Variants in FNDC3A observed in about 807,000 individuals in gnomAD.
The protein encoded by FNDC3A is fibronectin type III domain containing 3A.
Under a neutral mutation model 148.9 loss-of-function variants are expected in FNDC3A, and 32 were observed. That is an observed-to-expected ratio of 0.21 (90% CI 0.16 to 0.29). The LOEUF is 0.29. Ranked by LOEUF, FNDC3A falls within the 10% of genes least tolerant of loss-of-function variation. FNDC3A has a pLI of 1.00. For missense variants in FNDC3A, 1,191 were observed against 1,452.8 expected (o/e 0.82, Z 2.93); for synonymous variants, 472 against 473.6 (o/e 1.00, Z 0.04).
chr13:49,179,136 C>T (rs915809342), intron 14 of FNDC3A, among the ~76,000 whole-genome samples: 1 of 152,098 alleles, frequency 6.6e-6, no homozygotes, highest in East Asian at 1.9e-4. Context: ...TGTTATATAG[C>T]GGTGCTTCTC....
chr13:49,203,129 A>G, intron 24 of FNDC3A, 28 bp from the exon 25 acceptor site: 1 of 1,486,500 alleles, frequency 6.7e-7, no homozygotes. Context: ...CAAGTGGAAC[A>G]GATATTATTT....
At chr13:49,077,368 T>G (rs1878186396) in intron 3 of FNDC3A, among the ~76,000 whole-genome samples, 1 of 152,204 alleles carries the variant, frequency 6.6e-6, no homozygotes, top group Admixed American at 6.5e-5. Context: ...CTCTAACACT[T>G]ACTTCAAGAC....
intron 4 of FNDC3A, among the ~76,000 whole-genome samples, chr13:49,122,532 CAAATAGGAAGAGAGG>C (rs1190002155): frequency 1.3e-5 from 2 of 152,062 alleles, no homozygotes; most frequent in African/African-American, 4.8e-5. Context: ...AAAGAGTTTT[CAAATAGGAAGAGAGG>C]AAGTCAAATT....
At chr13:49,018,266 C>T (rs1399721119) in intron 2 of FNDC3A, among the ~76,000 whole-genome samples, 1 of 152,208 alleles carries the variant, frequency 6.6e-6, no homozygotes, top group Non-Finnish European at 1.5e-5. Flanking sequence ...GGTCTTTTCA[C>T]ATAGTCGCAT....
Position 49,203,214 on chromosome 13 carries a change from A to G in FNDC3A, c.3212A>G (p.Gln1071Arg), listed in dbSNP as rs545032412. ...TGTGAAATTACATGGGAGTGTTTAC[A>G]GCCAATGAAAGGTGATCCAGTTATT... The part of the protein sequence containing the change: ...HICEITWECL[Q>R]PMKGDPVIYS... Residue 1071 changes from glutamine to arginine, a missense_variant, in exon 25 of 26, where the codon CAG (glutamine) becomes CGG (arginine). By Grantham distance (43) the Gln-to-Arg change is conservative. Around this residue, in one of 3 missense-constraint regions of FNDC3A, gnomAD observed 751 missense variants for 944.0 expected, o/e 0.80. Coordinates refer to ENST00000492622, the MANE Select transcript of FNDC3A (RefSeq NM_001079673.2). 1.2e-6 allele frequency: 2 copies of G among 1,603,398 alleles called. No individual in the cohort carries two copies. The highest frequency in any genetic ancestry group is 2.2e-5 in the South Asian group (2 of 90,584).
chr13:49,082,103 G>A (rs1327104520), intron 3 of FNDC3A, among the ~76,000 whole-genome samples: 1 of 152,052 alleles, frequency 6.6e-6, no homozygotes, highest in East Asian at 1.9e-4. Context: ...CAGTAGGATA[G>A]GCCCAGCACG....
At chr13:49,069,825 A>C (rs577709184) in intron 2 of FNDC3A, among the ~76,000 whole-genome samples, 48 of 152,226 alleles carry the variant, frequency 3.2e-4, no homozygotes, top group Admixed American at 2.0e-4. Flanking sequence ...TATTAAAATG[A>C]AGCATATTTC....
At chr13:49,026,444 A>G (rs1292536884) in intron 2 of FNDC3A, among the ~76,000 whole-genome samples, 1 of 152,258 alleles carries the variant, frequency 6.6e-6, no homozygotes, top group Non-Finnish European at 1.5e-5. Flanking sequence ...AAAATATTAA[A>G]GACATGCCAT....
At chr13:49,168,564 C>G (rs1884597997) in intron 9 of FNDC3A, 49 bp from the exon 10 acceptor site, 1 of 1,451,678 alleles carries the variant, frequency 6.9e-7, no homozygotes, top group African/African-American at 1.4e-5. Context: ...CTATTGAAAA[C>G]AGGATACAGT....
chr13:49,171,581 C>T (rs1402854201), intron 10 of FNDC3A, among the ~76,000 whole-genome samples: 2 of 152,122 alleles, frequency 1.3e-5, no homozygotes, highest in Non-Finnish European at 2.9e-5. Flanking sequence ...GTAACCAGCA[C>T]AGTGAGTATA....
chr13:49,058,927 A>G (rs1463916218), intron 2 of FNDC3A, among the ~76,000 whole-genome samples: 1 of 152,222 alleles, frequency 6.6e-6, no homozygotes, highest in Non-Finnish European at 1.5e-5. Flanking sequence ...TGTCAGAGCC[A>G]TCTTTCAAAA....
At chr13:49,067,836 C>T (rs1877367965) in intron 2 of FNDC3A, among the ~76,000 whole-genome samples, 1 of 152,146 alleles carries the variant, frequency 6.6e-6, no homozygotes, top group Non-Finnish European at 1.5e-5. Context: ...AGGTTAAGAA[C>T]TCTTGTGCTT....
At chr13:49,169,712 C>T (rs1243713309) in intron 10 of FNDC3A, among the ~76,000 whole-genome samples, 1 of 152,176 alleles carries the variant, frequency 6.6e-6, no homozygotes, top group Admixed American at 6.5e-5. Flanking sequence ...TCAGGGCTAG[C>T]CTTACTTTTG....
chr13:48,997,363 GA>G (rs1952042279), intron 1 of FNDC3A, among the ~76,000 whole-genome samples: 1 of 152,154 alleles, frequency 6.6e-6, no homozygotes, highest in South Asian at 2.1e-4. Context: ...CATGTATAAG[GA>G]AACAAGAACA....
chr13:49,006,942 A>G (rs979973328), intron 2 of FNDC3A, among the ~76,000 whole-genome samples: 12 of 152,106 alleles, frequency 7.9e-5, no homozygotes, highest in Admixed American at 3.3e-4. Context: ...TTAATGAGGA[A>G]GGGAAGGAAC....
intron 2 of FNDC3A, chr13:49,045,721 CA>C: frequency 9.4e-6 from 10 of 1,067,446 alleles, no homozygotes; most frequent in Admixed American, 5.2e-5. Flanking sequence ...TCTTGATTTT[CA>C]AAAACCCTGT....
At chr13:49,069,397 A>G (rs1035744900) in intron 2 of FNDC3A, among the ~76,000 whole-genome samples, 7 of 152,216 alleles carry the variant, frequency 4.6e-5, no homozygotes, top group African/African-American at 7.2e-5. Flanking sequence ...ACTGCTTACT[A>G]TATTTCTCAC....
At chr13:49,188,837 CTGGT>C (rs1265759697) in intron 17 of FNDC3A, among the ~76,000 whole-genome samples, 1 of 152,158 alleles carries the variant, frequency 6.6e-6, no homozygotes, top group Non-Finnish European at 1.5e-5. Flanking sequence ...TGTCTGTTGT[CTGGT>C]TGGTATTCAG....
intron 10 of FNDC3A, among the ~76,000 whole-genome samples, chr13:49,170,894 A>T (rs999178162): frequency 7.9e-5 from 12 of 152,242 alleles, no homozygotes; most frequent in African/African-American, 2.9e-4. Flanking sequence ...AGTGTGAGAG[A>T]CCTCAGCAAC....
Sources: allele counts gnomAD v4.1 joint callset (sites outside exome capture counted in the v4.1 genomes callset), GRCh38; gene constraint gnomAD v4.1.1; regional missense constraint gnomAD v4.1.1; transcripts MANE v1.5; gene names NCBI Gene and HGNC (gene_info 2026-07-23, HGNC 2026-07-21).